The following NCAM2 variants were observed in gnomAD, a reference collection of about 807,000 sequenced individuals.
NCAM2 encodes the protein N-CAM-2.
NCAM2 carries 30 observed loss-of-function variants against 98.1 expected under a neutral mutation model. That is an observed-to-expected ratio of 0.31 (90% CI 0.23 to 0.41). NCAM2 has a LOEUF of 0.41. Among genes scored for constraint, NCAM2 ranks in the 10% least tolerant of loss-of-function variants. NCAM2 has a pLI of 1.00. For missense variants in NCAM2, 867 were observed against 1,005.8 expected (o/e 0.86, Z 1.87); for synonymous variants, 368 against 342.4 (o/e 1.07, Z -0.83).
intron 9 of NCAM2, among the ~76,000 whole-genome samples, chr21:21,381,557 C>T (rs1302526748): frequency 1.3e-5 from 2 of 151,952 alleles, no homozygotes; most frequent in African/African-American, 4.8e-5. Flanking sequence ...AAAATACAAA[C>T]CTACATTTTC....
intron 1 of NCAM2, among the ~76,000 whole-genome samples, chr21:21,250,822 C>A (rs2071442190): frequency 6.6e-6 from 1 of 152,114 alleles, no homozygotes; most frequent in Non-Finnish European, 1.5e-5. Context: ...AAAGGATGAT[C>A]CTGGAATATG....
chr21:21,059,843 C>T (rs953595131), intron 1 of NCAM2, among the ~76,000 whole-genome samples: 4 of 152,044 alleles, frequency 2.6e-5, no homozygotes, highest in African/African-American at 4.8e-5. Context: ...AAATATGCTA[C>T]AGGGAAAGCA....
chr21:21,435,535 G>A (rs1247810886), intron 12 of NCAM2, among the ~76,000 whole-genome samples: 1 of 152,110 alleles, frequency 6.6e-6, no homozygotes, highest in African/African-American at 2.4e-5. Context: ...GGGGGCATGG[G>A]AGTTAATTCT....
At chr21:21,244,373 A>G (rs1008564382) in intron 1 of NCAM2, among the ~76,000 whole-genome samples, 22 of 152,194 alleles carry the variant, frequency 1.4e-4, no homozygotes, top group Admixed American at 1.4e-3. Context: ...CAATTTATGC[A>G]TATTCTAATA....
chr21:21,271,388 A>C (rs989998995), intron 1 of NCAM2, among the ~76,000 whole-genome samples: 3 of 152,184 alleles, frequency 2.0e-5, no homozygotes, highest in African/African-American at 7.2e-5. Context: ...ATATGTGTTA[A>C]GTGCTCCTAG....
chr21:21,526,475 AAG>A (rs1188492482), intron 16 of NCAM2, among the ~76,000 whole-genome samples: 1 of 152,150 alleles, frequency 6.6e-6, no homozygotes, highest in Non-Finnish European at 1.5e-5. Context: ...TAGAAAATAA[AAG>A]AAGAATGAAA....
intron 5 of NCAM2, among the ~76,000 whole-genome samples, chr21:21,311,436 G>T (rs1044996657): frequency 6.7e-6 from 1 of 148,690 alleles, no homozygotes; most frequent in Non-Finnish European, 1.5e-5. Flanking sequence ...TGCCTGCTGG[G>T]TTCACGCCAT....
chr21:21,116,741 C>G (rs546132822), intron 1 of NCAM2, among the ~76,000 whole-genome samples: 3 of 152,042 alleles, frequency 2.0e-5, no homozygotes, highest in Non-Finnish European at 4.4e-5. Flanking sequence ...TGTAGTCCCA[C>G]CTACTCAGGA....
intron 6 of NCAM2, among the ~76,000 whole-genome samples, chr21:21,326,647 T>A (rs2074518505): frequency 6.6e-6 from 1 of 152,156 alleles, no homozygotes; most frequent in African/African-American, 2.4e-5. Context: ...TAAATCAGAT[T>A]CAAAGAATAA....
intron 12 of NCAM2, among the ~76,000 whole-genome samples, chr21:21,457,251 T>C (rs942639121): frequency 2.6e-5 from 4 of 152,142 alleles, no homozygotes; most frequent in African/African-American, 9.7e-5. Context: ...GAGAATTCTG[T>C]TGATACAAAT....
intron 1 of NCAM2, among the ~76,000 whole-genome samples, chr21:21,183,465 G>A (rs376214521): frequency 6.6e-6 from 1 of 152,114 alleles, no homozygotes; most frequent in Non-Finnish European, 1.5e-5. Context: ...ATGCCATGGG[G>A]ACATATTAGT....
chr21:21,346,439 A>G (rs1303199738), intron 8 of NCAM2, among the ~76,000 whole-genome samples: 1 of 152,054 alleles, frequency 6.6e-6, no homozygotes, highest in East Asian at 1.9e-4. Flanking sequence ...ATAGCTGGAG[A>G]CTTCAACACC....
intron 15 of NCAM2, among the ~76,000 whole-genome samples, chr21:21,481,463 G>A (rs898513438): frequency 6.6e-6 from 1 of 152,222 alleles, no homozygotes; most frequent in Non-Finnish European, 1.5e-5. Flanking sequence ...CCTATCACGT[G>A]CAGCTTTGCT....
chr21:21,094,637 A>G (rs1035544913), intron 1 of NCAM2, among the ~76,000 whole-genome samples: 11 of 151,796 alleles, frequency 7.2e-5, no homozygotes, highest in African/African-American at 2.7e-4. Flanking sequence ...TTATGTCAAC[A>G]TTTCTAAATA....
At chr21:21,197,390 A>C (rs2069042980) in intron 1 of NCAM2, among the ~76,000 whole-genome samples, 1 of 152,124 alleles carries the variant, frequency 6.6e-6, no homozygotes, top group African/African-American at 2.4e-5. Flanking sequence ...TTGTCCTCCA[A>C]AAGTGCTGGG....
At chr21:21,146,967 CTCCGGAACTCAGACCGCTG>C (rs1293129763) in intron 1 of NCAM2, among the ~76,000 whole-genome samples, 12 of 145,932 alleles carry the variant, frequency 8.2e-5, no homozygotes, top group South Asian at 2.2e-4. Context: ...CTGCCTTCTA[CTCCGGAACTCAGACCGCTG>C]CCTTCTACTC....
chr21:21,083,222 G>A (rs373384158), intron 1 of NCAM2, among the ~76,000 whole-genome samples: 42 of 152,190 alleles, frequency 2.8e-4, no homozygotes, highest in African/African-American at 9.6e-4. Flanking sequence ...CTGATATTTG[G>A]ATAGATGACT....
chr21:21,491,841 A>G (rs369613451), intron 15 of NCAM2, among the ~76,000 whole-genome samples: 3 of 151,560 alleles, frequency 2.0e-5, no homozygotes, highest in Non-Finnish European at 4.4e-5. Flanking sequence ...TATAAGTCTT[A>G]TATATTGTAA....
At chr21:21,154,903 T>A (rs1291525450) in intron 1 of NCAM2, among the ~76,000 whole-genome samples, 2 of 151,836 alleles carry the variant, frequency 1.3e-5, no homozygotes, top group Non-Finnish European at 2.9e-5. Context: ...TACCACCATC[T>A]GGAAAAGTAG....
Sources: gnomAD v4.1 joint callset for allele counts (sites outside exome capture counted in the v4.1 genomes callset) on GRCh38, gnomAD v4.1.1 for gene constraint, MANE v1.5 for transcripts, NCBI Gene and HGNC (gene_info 2026-07-23, HGNC 2026-07-21) for gene names.